The following TM2D2 variants were observed in gnomAD, a reference collection of about 807,000 sequenced individuals.
TM2D2 encodes the protein TM2 domain-containing protein 2.
A neutral mutation model predicts 23.0 loss-of-function variants in TM2D2; 19 were observed. The observed-to-expected ratio is 0.82, with a 90% confidence interval of 0.58 to 1.21. The LOEUF is 1.21. Among genes scored for constraint, TM2D2 ranks in the 50% most tolerant of loss-of-function variants. The pLI is 0.00. For missense variants in TM2D2, 246 were observed against 265.4 expected (o/e 0.93, Z 0.51); for synonymous variants, 120 against 108.8 (o/e 1.10, Z -0.64).
intron 2 of TM2D2, 88 bp from the exon 3 acceptor site, chr8:38,993,748 A>G: frequency 1.0e-6 from 1 of 965,084 alleles, no homozygotes; most frequent in Non-Finnish European, 1.6e-6. Context: ...ACAGAATGAA[A>G]GCGGCCTCAG....
In TM2D2 at chr8:38,990,060, T is replaced by C. The variant is rs905350372; in HGVS notation, c.*1272A>G. On this transcript the variant is annotated 3_prime_UTR_variant, in exon 4 of 4. Transcript: ENST00000456397. ...TTAAGGTCAGTGTGGTACAGAACTTTCAAGACAGAATAGGATCATCTGTTT... is the reference window on the plus strand; with the variant it reads ...TTAAGGTCAGTGTGGTACAGAACTTCCAAGACAGAATAGGATCATCTGTTT... The C allele has an allele frequency of 6.6e-6, 1 of 152,236 alleles. No homozygotes were observed. Among genetic ancestry groups the C allele is most frequent in the Admixed American group, 6.5e-5 (1 of 15,284 alleles). 9.4% of individuals were successfully genotyped at this position (152,236 alleles called of 1,614,324 possible). A position where few individuals can be genotyped will look rare whatever the true frequency, so the allele number is the denominator to read the frequency against.
rs375347223 is a variant in TM2D2, at chr8:38,993,677, A to G, written c.316-17T>C. 1.3e-6 allele frequency: 2 copies of G among 1,596,674 alleles called. No individual in the cohort carries two copies. Among genetic ancestry groups the G allele is most frequent in the African/African-American group, 1.3e-5 (1 of 74,630 alleles). ...ACCGCCGAACTGTGGAATAACAACC[A>G]AGACCAAAACCAACTCACCAGAGCA... On this transcript the variant is annotated splice_polypyrimidine_tract_variant and intron_variant, in intron 2 of 3. Coordinates refer to ENST00000456397, the MANE Select transcript of TM2D2 (RefSeq NM_078473.3).
rs1235818381 is a variant in TM2D2 at position 38,995,874 on chromosome 8, T to G, written c.227+339A>C. 3 of 1,004,160 alleles carry G rather than the reference T, an allele frequency of 3.0e-6. No homozygotes were observed. The East Asian group carries it at 1.2e-4, about 41-fold the overall frequency. 62.2% of individuals were successfully genotyped at this position (1,004,160 alleles called of 1,614,324 possible). On this transcript the variant is annotated intron_variant, in intron 1 of 3. Transcript: ENST00000456397. ...CAAGTCATTTACTCCATTTATGCCTTACTCAGTACTGGCACCGAATCGACC... is the reference window on the plus strand; with the variant it reads ...CAAGTCATTTACTCCATTTATGCCTGACTCAGTACTGGCACCGAATCGACC...
upstream of TM2D2, chr8:38,996,963 C>T: frequency 1.3e-6 from 2 of 1,501,714 alleles, no homozygotes; most frequent in Non-Finnish European, 1.8e-6. Context: ...GGCGCGCGCG[C>T]TTCCCGGCCA....
chr8:38,995,472 G>C, intron 1 of TM2D2, 67 bp from the exon 2 acceptor site: 1 of 1,594,692 alleles, frequency 6.3e-7, no homozygotes, highest in Non-Finnish European at 8.5e-7. Flanking sequence ...TTGCATGCAC[G>C]TAATCAAAAC....
intron 2 of TM2D2, among the ~76,000 whole-genome samples, chr8:38,994,714 T>C (rs560151329): frequency 3.0e-4 from 46 of 152,270 alleles, no homozygotes; most frequent in African/African-American, 9.4e-4. Context: ...TTTTGAGAGA[T>C]TGATTAGGAA....
intron 1 of TM2D2, chr8:38,995,932 G>A: frequency 6.9e-6 from 5 of 722,574 alleles, no homozygotes; most frequent in South Asian, 2.2e-5. Context: ...AAGGGCGCAG[G>A]GCAAAGAAAG....
chr8:38,991,277 G>T lies in TM2D2; in HGVS notation c.*55C>A, dbSNP rs2129428532. The T allele has an allele frequency of 1.4e-6, 2 of 1,418,926 alleles. No homozygotes were observed. The highest frequency in any genetic ancestry group is 1.4e-5 in the African/African-American group (1 of 70,642). The allele number at this position is 1,418,926 out of a possible 1,614,324, so 87.9% of individuals were successfully genotyped here. ...AGAGGAGTTTTGAGCCTGTAGAGAT[G>T]AATTCAGAAGACGGAGCTTTCACCC... On this transcript the variant is annotated 3_prime_UTR_variant, in exon 4 of 4. Coordinates refer to ENST00000456397, the MANE Select transcript of TM2D2 (RefSeq NM_078473.3).
In TM2D2 at chr8:38,989,713, G is replaced by T. The variant is rs1043032258; in HGVS notation, c.*1619C>A. The T allele has an allele frequency of 1.3e-5, 2 of 152,190 alleles. No individual in the cohort carries two copies. Among genetic ancestry groups the T allele is most frequent in the African/African-American group, 4.8e-5 (2 of 41,434 alleles). 9.4% of individuals were successfully genotyped at this position (152,190 alleles called of 1,614,324 possible). On this transcript the variant is annotated 3_prime_UTR_variant, in exon 4 of 4. Coordinates refer to ENST00000456397, the MANE Select transcript of TM2D2 (RefSeq NM_078473.3). ...GTGAAATGAGGCAGGACTTGGTTAG[G>T]TGAAAAGTAGCATCTTATTTTGGGT...
intron 3 of TM2D2, among the ~76,000 whole-genome samples, chr8:38,991,930 C>G (rs1362920112): frequency 6.6e-6 from 1 of 152,060 alleles, no homozygotes; most frequent in Non-Finnish European, 1.5e-5. Flanking sequence ...AGGCTCTAAG[C>G]TATAGGAGTG....
At chr8:38,995,816 T>G (rs764407263) in intron 1 of TM2D2, 2 of 1,219,056 alleles carry the variant, frequency 1.6e-6, no homozygotes, top group Middle Eastern at 3.3e-4. Context: ...AGAATATTGA[T>G]TGCTTTTTTA....
chr8:38,996,902 C>G, upstream of TM2D2: 1 of 1,458,522 alleles, frequency 6.9e-7, no homozygotes, highest in Non-Finnish European at 9.2e-7. Flanking sequence ...GGACCGAGGG[C>G]TCAGTTGCGT....
upstream of TM2D2, chr8:38,996,716 A>T (rs960861465): frequency 7.1e-7 from 1 of 1,413,280 alleles, no homozygotes; most frequent in African/African-American, 1.4e-5. Flanking sequence ...GCGTTCTCCA[A>T]TCGGATCCGT....
At chr8:38,992,047 A>G (rs893779750) in intron 3 of TM2D2, among the ~76,000 whole-genome samples, 1 of 152,162 alleles carries the variant, frequency 6.6e-6, no homozygotes, top group East Asian at 1.9e-4. Context: ...ACTAGTTTGC[A>G]TATCAAAGGC....
intron 3 of TM2D2, among the ~76,000 whole-genome samples, chr8:38,992,486 CA>C (rs11332697): frequency 0.41 from 59,444 of 144,164 alleles, 12,264 homozygotes; most frequent in East Asian, 0.75. Flanking sequence ...ACCCCATCTC[CA>C]AAAAAAAAAA....
At position 38,991,230 on chromosome 8, in the gene TM2D2, A is replaced by T; in HGVS notation, c.*102T>A. ...ACAAATGCCCTCCAAAAGAAGGAAA[A>T]TAACATCAGGTCTGATATCAAAGAG... On this transcript the variant is annotated 3_prime_UTR_variant, in exon 4 of 4. Transcript: ENST00000456397. 1.0e-6 allele frequency: 1 copy of T among 1,003,108 alleles called. No individual in the cohort carries two copies. The highest frequency in any genetic ancestry group is 1.6e-5 in the South Asian group (1 of 63,496). The allele number at this position is 1,003,108 out of a possible 1,614,324, so 62.1% of individuals were successfully genotyped here.
At chr8:38,991,836 A>G (rs192255994) in intron 3 of TM2D2, among the ~76,000 whole-genome samples, 1 of 152,280 alleles carries the variant, frequency 6.6e-6, no homozygotes, top group African/African-American at 2.4e-5. Flanking sequence ...GTTTTTGGCC[A>G]CTATCTTCAT....
At chr8:38,995,554 T>G in intron 1 of TM2D2, 149 bp from the exon 2 acceptor site, 1 of 1,511,198 alleles carries the variant, frequency 6.6e-7, no homozygotes, top group Middle Eastern at 1.8e-4. Flanking sequence ...CCAAGCCAAT[T>G]AAACTGAAGC....
At position 38,996,509 on chromosome 8, in the gene TM2D2, T is replaced by G; in HGVS notation, c.-70A>C. On this transcript the variant is annotated 5_prime_UTR_variant, in exon 1 of 4. Transcript: ENST00000456397. ...AGGCCAGCAGCACAGACCCAAGAAC[T>G]GCGTGGTCAGGCCTTTCCGCGTAGC... 1 of 1,589,714 alleles carries G rather than the reference T, an allele frequency of 6.3e-7. No homozygotes were observed. The highest frequency in any genetic ancestry group is 8.6e-7 in the Non-Finnish European group (1 of 1,164,660).
Sources: gnomAD v4.1 joint callset for allele counts (sites outside exome capture counted in the v4.1 genomes callset) on GRCh38, gnomAD v4.1.1 for gene constraint, MANE v1.5 for transcripts, NCBI Gene and HGNC (gene_info 2026-07-23, HGNC 2026-07-21) for gene names.